ALK: variants seen among roughly 807,000 people sequenced by gnomAD.
ALK encodes ALK receptor tyrosine kinase, also known as ALK tyrosine kinase receptor.
In ALK, 74 loss-of-function variants were observed where a neutral mutation model predicts 163.1. The ratio of observed to expected loss-of-function variants is 0.45; its 90% CI spans 0.38 to 0.55. ALK has a LOEUF of 0.55. Ranked by LOEUF, ALK falls within the 20% of genes least tolerant of loss-of-function variation. The pLI is 0.00. For missense variants in ALK, 2,063 were observed against 2,105.3 expected (o/e 0.98, Z 0.39); for synonymous variants, 960 against 843.2 (o/e 1.14, Z -2.40).
intron 4 of ALK, among the ~76,000 whole-genome samples, chr2:29,426,738 G>T (rs531782242): frequency 6.6e-6 from 1 of 152,064 alleles, no homozygotes; most frequent in South Asian, 2.1e-4. Flanking sequence ...TTCTCTTAAT[G>T]GATTTAAAAA....
At chr2:29,746,011 AG>A (rs1366939328) in intron 1 of ALK, among the ~76,000 whole-genome samples, 1 of 152,242 alleles carries the variant, frequency 6.6e-6, no homozygotes, top group African/African-American at 2.4e-5. Context: ...AGTATAAATC[AG>A]GTACTTTTCC....
chr2:29,439,092 A>C (rs1191008681), intron 4 of ALK, among the ~76,000 whole-genome samples: 9 of 152,214 alleles, frequency 5.9e-5, no homozygotes, highest in Non-Finnish European at 4.4e-5. Flanking sequence ...GACATCTGCA[A>C]GTCCTGAGAG....
chr2:29,217,333 G>T (rs895284162), intron 23 of ALK, among the ~76,000 whole-genome samples: 5 of 145,046 alleles, frequency 3.4e-5, no homozygotes, highest in Admixed American at 7.1e-5. Context: ...TGTGTTTTTT[G>T]TGTGTAGCAT....
chr2:29,193,949 T>C, intron 28 of ALK, 27 bp from the exon 29 acceptor site: 1 of 1,609,478 alleles, frequency 6.2e-7, no homozygotes, highest in Non-Finnish European at 8.5e-7. Flanking sequence ...TATTAAAACT[T>C]TGAATCAGAG....
At chr2:29,680,304 A>G (rs1379631497) in intron 3 of ALK, among the ~76,000 whole-genome samples, 2 of 152,058 alleles carry the variant, frequency 1.3e-5, no homozygotes, top group African/African-American at 4.8e-5. Context: ...TAGGACTTCT[A>G]TTAAACACAT....
intron 4 of ALK, among the ~76,000 whole-genome samples, chr2:29,516,442 A>C (rs10180885): frequency 0.2 from 30,793 of 152,126 alleles, 3,505 homozygotes; most frequent in East Asian, 0.3. Flanking sequence ...TCCACTGGGT[A>C]GGTGGTGGAG....
chr2:29,350,317 C>T (rs1668079038), intron 5 of ALK, among the ~76,000 whole-genome samples: 1 of 152,190 alleles, frequency 6.6e-6, no homozygotes, highest in African/African-American at 2.4e-5. Flanking sequence ...TTATTTTATT[C>T]TGCATGCTGC....
chr2:29,576,565 T>C (rs1166508800), intron 3 of ALK, among the ~76,000 whole-genome samples: 1 of 152,196 alleles, frequency 6.6e-6, no homozygotes, highest in Non-Finnish European at 1.5e-5. Context: ...CCATGCTGAT[T>C]GCAGATGCCT....
intron 4 of ALK, among the ~76,000 whole-genome samples, chr2:29,475,105 G>A (rs56135335): frequency 0.031 from 4,727 of 152,112 alleles, 198 homozygotes; most frequent in African/African-American, 0.097. Context: ...GAGCCCTTCC[G>A]CTGACTTCCT....
Position 29,574,706 on chromosome 2 carries a change from C to T in ALK, c.953-42590G>A, listed in dbSNP as rs75730341. ...ACTTGCTTTGAGGCAGGGCCTCCTG[C>T]GGGTTGGTGTTTCTACCTTTTGCTG... On this transcript the variant is annotated intron_variant, in intron 3 of 28. Coordinates refer to ENST00000389048, the MANE Select transcript of ALK (RefSeq NM_004304.5). 5.7e-3 allele frequency among the ~76,000 whole-genome samples: 874 copies of T among 152,308 alleles called. 10 individuals are homozygous for T. The highest frequency in any genetic ancestry group is 0.017 in the African/African-American group (708 of 41,554).
At chr2:29,372,071 C>T (rs1320165974) in intron 5 of ALK, among the ~76,000 whole-genome samples, 1 of 152,236 alleles carries the variant, frequency 6.6e-6, no homozygotes, top group Non-Finnish European at 1.5e-5. Flanking sequence ...CCACTCCAAT[C>T]TTTTGGTAAA....
At chr2:29,369,486 C>A (rs1270208739) in intron 5 of ALK, among the ~76,000 whole-genome samples, 1 of 152,158 alleles carries the variant, frequency 6.6e-6, no homozygotes, top group Non-Finnish European at 1.5e-5. Flanking sequence ...TGGAGCTGGG[C>A]TCCAGTGTAG....
chr2:29,778,846 A>G (rs1681253038), intron 1 of ALK, among the ~76,000 whole-genome samples: 1 of 152,056 alleles, frequency 6.6e-6, no homozygotes, highest in African/African-American at 2.4e-5. Context: ...TTCCTGTCTG[A>G]GAGAAAATGG....
At chr2:29,849,918 T>G (rs1665946996) in intron 1 of ALK, among the ~76,000 whole-genome samples, 1 of 152,200 alleles carries the variant, frequency 6.6e-6, no homozygotes, top group South Asian at 2.1e-4. Flanking sequence ...TTTTTTTATT[T>G]GTTTCCATTG....
intron 5 of ALK, among the ~76,000 whole-genome samples, chr2:29,343,561 C>T (rs1238761672): frequency 6.6e-6 from 1 of 152,078 alleles, no homozygotes; most frequent in African/African-American, 2.4e-5. Flanking sequence ...CCTCAGTCCG[C>T]TTATTTATGA....
intron 4 of ALK, among the ~76,000 whole-genome samples, chr2:29,424,395 G>T (rs1670088480): frequency 6.6e-6 from 1 of 152,170 alleles, no homozygotes; most frequent in African/African-American, 2.4e-5. Flanking sequence ...AAGACTTTTT[G>T]CAAATTCCAG....
At chr2:29,498,269 G>A (rs1381256345) in intron 4 of ALK, among the ~76,000 whole-genome samples, 1 of 152,186 alleles carries the variant, frequency 6.6e-6, no homozygotes, top group African/African-American at 2.4e-5. Flanking sequence ...GGGGGAGGAG[G>A]TTGGGAGATA....
intron 2 of ALK, among the ~76,000 whole-genome samples, chr2:29,714,782 T>C (rs1679199793): frequency 6.6e-6 from 1 of 152,238 alleles, no homozygotes; most frequent in South Asian, 2.1e-4. Flanking sequence ...TTAACATTTC[T>C]TAAAATGTCT....
intron 24 of ALK, 115 bp from the exon 25 acceptor site, chr2:29,209,993 A>G: frequency 1.9e-5 from 16 of 823,954 alleles, no homozygotes; most frequent in Middle Eastern, 2.2e-4. Context: ...TCCCTTCCCT[A>G]TATTTCCTTT....
Sources: gnomAD v4.1 joint callset for allele counts (sites outside exome capture counted in the v4.1 genomes callset) on GRCh38, gnomAD v4.1.1 for gene constraint, MANE v1.5 for transcripts, NCBI Gene and HGNC (gene_info 2026-07-23, HGNC 2026-07-21) for gene names.